The following PMS2 variants were observed in gnomAD, a reference collection of about 807,000 sequenced individuals.
The protein encoded by PMS2 is PMS1 homolog 2, mismatch repair system component, also known as mismatch repair endonuclease PMS2.
In PMS2, 69 loss-of-function variants were observed where a neutral mutation model predicts 90.0. The observed-to-expected ratio is 0.77, with a 90% CI of 0.63 to 0.94. PMS2 has a LOEUF of 0.94. Ranked by LOEUF, PMS2 falls within the 40% of genes least tolerant of loss-of-function variation. The pLI is 0.00. For synonymous variants in PMS2, 332 were observed against 375.1 expected (o/e 0.89, Z 1.33); for missense variants, 966 against 1,040.2 (o/e 0.93, Z 0.98).
chr7:5,986,518 C>G (rs975495788), intron 11 of PMS2, among the ~76,000 whole-genome samples: 4 of 151,956 alleles, frequency 2.6e-5, no homozygotes, highest in Non-Finnish European at 5.9e-5. Context: ...ATGGTGAAAC[C>G]CTGTTTCCAC....
Position 5,984,425 on chromosome 7 carries a change from G to A in PMS2, c.2007-1434C>T, listed in dbSNP as rs545135494. On this transcript the variant is annotated intron_variant, in intron 11 of 14. Coordinates refer to ENST00000265849, the MANE Select transcript of PMS2 (RefSeq NM_000535.7). ...ATCCGGTGAAAATGGATTTTCCGCA[G>A]TATCAGCGCGGTGATGACAAGAAAT... is the stretch of plus-strand genomic sequence containing the variant. 2.6e-5 allele frequency among the ~76,000 whole-genome samples: 4 copies of A among 151,914 alleles called. No individual in the cohort carries two copies. In the East Asian group the frequency reaches 7.7e-4, roughly 29 times the overall value.
At chr7:5,999,072 G>T (rs111908557) in intron 6 of PMS2, 36 bp downstream of exon 6, 1 of 1,585,706 alleles carries the variant, frequency 6.3e-7, no homozygotes, top group Non-Finnish European at 8.7e-7. Flanking sequence ...AATCACTAGA[G>T]CAATAAGAGG....
intron 11 of PMS2, among the ~76,000 whole-genome samples, chr7:5,985,734 G>A (rs1199214633): frequency 6.9e-6 from 1 of 145,654 alleles, no homozygotes; most frequent in East Asian, 2.1e-4. Flanking sequence ...TGCATTTTTA[G>A]TAGAGAAAAG....
chr7:5,981,583 A>G (rs1445745473), intron 12 of PMS2, among the ~76,000 whole-genome samples: 2 of 150,012 alleles, frequency 1.3e-5, no homozygotes, highest in Admixed American at 6.7e-5. Flanking sequence ...TCTACTGTCA[A>G]TCAACACTGG....
At chr7:6,001,821 C>G (rs1337920217) in intron 5 of PMS2, 1 of 151,838 alleles carries the variant, frequency 6.6e-6, no homozygotes, top group Non-Finnish European at 1.5e-5. Flanking sequence ...GGTGAAACCC[C>G]GTCTCTACTA....
In PMS2 at chr7:5,995,557, GGTTGATAAAGAAAAACTGTCTGTCT is replaced by G; in HGVS notation, c.855_879del (p.Asp286GlyfsTer13). 1 of 1,613,660 alleles carries G rather than the reference GGTTGATAAAGAAAAACTGTCTGTCT, an allele frequency of 6.2e-7. No individual in the cohort carries two copies. The highest frequency in any genetic ancestry group is 8.5e-7 in the Non-Finnish European group (1 of 1,179,638). ...ACCTTTGCTGGGTCACAAGGCCGCC[GGTTGATAAAGAAAAACTGTCTGTCT>G]GTTGAACTCCTTCCAACTCCATGCG... On this transcript the variant is annotated frameshift_variant, in exon 8 of 15. Coordinates refer to ENST00000265849, the MANE Select transcript of PMS2 (RefSeq NM_000535.7). LOFTEE classifies it high-confidence loss of function.
chr7:5,986,254 T>C (rs1046907335), intron 11 of PMS2, among the ~76,000 whole-genome samples: 18 of 151,082 alleles, frequency 1.2e-4, no homozygotes, highest in Non-Finnish European at 1.6e-4. Flanking sequence ...GCCAATTTTA[T>C]TGTAGAGACG....
intron 6 of PMS2, 148 bp from the exon 7 acceptor site, chr7:5,997,571 G>T (rs1784569328): frequency 1.6e-6 from 1 of 643,374 alleles, no homozygotes; most frequent in Non-Finnish European, 2.8e-6. Context: ...TTGAGACAGG[G>T]TCTCCCTCTA....
chr7:5,989,921 C>T lies in PMS2; in HGVS notation c.1023G>A (p.Arg341=), dbSNP rs746961377. 2 of 1,611,152 alleles carry T rather than the reference C, an allele frequency of 1.2e-6. No individual in the cohort carries two copies. Among genetic ancestry groups the T allele is most frequent in the Non-Finnish European group, 1.7e-6 (2 of 1,177,952 alleles). The change falls in exon 10 of 15, where the codon AGG becomes AGA. Residue 341 remains arginine, a synonymous_variant. Coordinates refer to ENST00000265849, the MANE Select transcript of PMS2 (RefSeq NM_000535.7). ...CVDINVTPDK[R]QILLQEEKLL... ...GCTTTTCCTCTTGTAGCAAAATTTGCCTTTTATCTGGAGTAACATTGATAT... is the reference window on the plus strand; with the variant it reads ...GCTTTTCCTCTTGTAGCAAAATTTGTCTTTTATCTGGAGTAACATTGATAT...
intron 1 of PMS2, 36 bp from the exon 2 acceptor site, chr7:6,006,067 T>A (rs2128847790): frequency 6.2e-7 from 1 of 1,607,344 alleles, no homozygotes; most frequent in Non-Finnish European, 8.5e-7. Flanking sequence ...AATCAAGTAT[T>A]CAGCTATATA....
chr7:6,007,317 T>G (rs1273726160), intron 1 of PMS2, among the ~76,000 whole-genome samples: 1 of 152,158 alleles, frequency 6.6e-6, no homozygotes, highest in African/African-American at 2.4e-5. Context: ...GGTTTCACCA[T>G]GTTGGCCAGG....
intron 8 of PMS2, among the ~76,000 whole-genome samples, chr7:5,993,933 A>G (rs1784071960): frequency 6.6e-6 from 1 of 151,560 alleles, no homozygotes; most frequent in South Asian, 2.1e-4. Context: ...AAGGTGACAT[A>G]GAATGTTATA....
At chr7:6,004,787 C>A (rs1191382004) in intron 2 of PMS2, among the ~76,000 whole-genome samples, 1 of 151,464 alleles carries the variant, frequency 6.6e-6, no homozygotes, top group African/African-American at 2.4e-5. Context: ...GCTTTATAAT[C>A]TCAAAAAAAG....
intron 2 of PMS2, among the ~76,000 whole-genome samples, chr7:6,005,218 G>A (rs1269548190): frequency 1.4e-5 from 2 of 144,952 alleles, no homozygotes; most frequent in Non-Finnish European, 3.0e-5. Context: ...TTTGTTTTAT[G>A]TTTTTGAGAT....
chr7:6,000,976 G>C (rs545101223), intron 5 of PMS2, among the ~76,000 whole-genome samples: 1 of 152,272 alleles, frequency 6.6e-6, no homozygotes, highest in Non-Finnish European at 1.5e-5. Context: ...GGGCGACAGA[G>C]TGAGAAGACT....
In PMS2 at chr7:5,999,375, G is replaced by A. The variant is rs547626929; in HGVS notation, c.538-100C>T. 91 of 1,041,942 alleles carry A rather than the reference G, an allele frequency of 8.7e-5. 1 individual carries two copies. The African/African-American group carries it at 1.3e-3, about 14-fold the overall frequency. The allele number at this position is 1,041,942 out of a possible 1,614,324, so 64.5% of individuals were successfully genotyped here. On this transcript the variant is annotated intron_variant, in intron 5 of 14. Transcript: ENST00000265849. ...TCCAACGCAAGGTTCTCACATCATCGCACAAATCAAGGGAAGCACTGTTGA... is the reference window on the plus strand; with the variant it reads ...TCCAACGCAAGGTTCTCACATCATCACACAAATCAAGGGAAGCACTGTTGA...
intron 13 of PMS2, 55 bp from the exon 14 acceptor site, chr7:5,977,812 G>C (rs1390827086): frequency 2.5e-6 from 4 of 1,572,414 alleles, no homozygotes; most frequent in Non-Finnish European, 3.5e-6. Context: ...CGTTTCACTT[G>C]AAAGCTACTT....
chr7:5,996,448 G>A (rs1295697209), intron 7 of PMS2, among the ~76,000 whole-genome samples: 3 of 151,728 alleles, frequency 2.0e-5, no homozygotes, highest in East Asian at 1.9e-4. Context: ...CCAGCTTCTC[G>A]GAAGGCTGAG....
intron 6 of PMS2, among the ~76,000 whole-genome samples, chr7:5,998,788 G>A (rs1410981983): frequency 7.9e-5 from 12 of 151,628 alleles, no homozygotes; most frequent in Admixed American, 2.0e-4. Flanking sequence ...TCAGGAATTC[G>A]AGACCAGCCT....
Sources: gnomAD v4.1 joint callset for allele counts (sites outside exome capture counted in the v4.1 genomes callset) on GRCh38, gnomAD v4.1.1 for gene constraint, MANE v1.5 for transcripts, NCBI Gene and HGNC (gene_info 2026-07-23, HGNC 2026-07-21) for gene names.